The following PRKN variants were observed in gnomAD, a reference collection of about 807,000 sequenced individuals.
The protein encoded by PRKN is parkin RBR E3 ubiquitin protein ligase.
In PRKN, 56 loss-of-function variants were observed where a neutral mutation model predicts 59.5. The ratio of observed to expected loss-of-function variants is 0.94; its 90% CI spans 0.76 to 1.18. The LOEUF is 1.18. Among genes scored for constraint, PRKN ranks in the 50% most tolerant of loss-of-function variants. The pLI is 0.00. For synonymous variants in PRKN, 250 were observed against 222.1 expected (o/e 1.13, Z -1.12); for missense variants, 657 against 596.4 (o/e 1.10, Z -1.06).
chr6:161,916,585 G>A (rs1778566839), intron 6 of PRKN, among the ~76,000 whole-genome samples: 2 of 151,966 alleles, frequency 1.3e-5, no homozygotes, highest in African/African-American at 4.8e-5. Flanking sequence ...GGCTCTTTTG[G>A]CATTTCCTCT....
At position 161,467,687 on chromosome 6, in the gene PRKN, G is replaced by T. The variant is rs1790551225; in HGVS notation, c.1084-80810C>A. ...GGAGCGACAGAGGCTGCAAATGCCT[G>T]CCCAATATTCATGTTCCTCTTCTTC... On this transcript the variant is annotated intron_variant, in intron 9 of 11. Coordinates refer to ENST00000366898, the MANE Select transcript of PRKN (RefSeq NM_004562.3). This position sits in a 1 kb window ranked among gnomAD's most constrained non-coding sequence, Gnocchi z 4.3. 6.6e-6 allele frequency among the ~76,000 whole-genome samples: 1 copy of T among 152,178 alleles called. No individual in the cohort carries two copies. Among genetic ancestry groups the T allele is most frequent in the South Asian group, 2.1e-4 (1 of 4,822 alleles).
At chr6:161,404,285 T>C (rs7750489) in intron 9 of PRKN, among the ~76,000 whole-genome samples, 1 of 152,080 alleles carries the variant, frequency 6.6e-6, no homozygotes, top group African/African-American at 2.4e-5. Flanking sequence ...AAAGGTTTAT[T>C]CTAGGAAGAA....
rs546044388 is a variant in PRKN at position 161,852,570 on chromosome 6, T to A, written c.735-66662A>T. Among the ~76,000 whole-genome samples the A allele has an allele frequency of 9.2e-4, 140 of 152,196 alleles. 1 individual carries two copies. Among genetic ancestry groups the A allele is most frequent in the African/African-American group, 3.1e-3 (129 of 41,528 alleles). ...GGATTTCAAGGTAGAAGCTCAACACTCAATTCAAGGTAAACTTGATAAGAA... is the reference window on the plus strand; with the variant it reads ...GGATTTCAAGGTAGAAGCTCAACACACAATTCAAGGTAAACTTGATAAGAA... On this transcript the variant is annotated intron_variant, in intron 6 of 11. Coordinates refer to ENST00000366898, the MANE Select transcript of PRKN (RefSeq NM_004562.3).
Position 161,470,583 on chromosome 6 carries a change from C to T in PRKN, c.1083+78271G>A, listed in dbSNP as rs73589748. ...GCCCTCCTCTGGCCACACCCCTCTT[C>T]CTGGAGCAAAGAGTCTGTGGAGCTA... is the stretch of plus-strand genomic sequence containing the variant. On this transcript the variant is annotated intron_variant, in intron 9 of 11. Transcript: ENST00000366898. This position sits in a 1 kb window ranked among gnomAD's most constrained non-coding sequence, Gnocchi z 5.1. 0.022 allele frequency among the ~76,000 whole-genome samples: 3,282 copies of T among 152,276 alleles called. 111 individuals carry two copies. Among genetic ancestry groups the T allele is most frequent in the African/African-American group, 0.075 (3,108 of 41,534 alleles).
chr6:161,735,823 G>A (rs2982904), intron 7 of PRKN, among the ~76,000 whole-genome samples: 70,879 of 151,766 alleles, frequency 0.47, 16,928 homozygotes, highest in South Asian at 0.6. Context: ...GCTGAGGCAG[G>A]AGAATTGCTT....
rs115821399 is a variant in PRKN at position 162,167,548 on chromosome 6, G to A, written c.534+33583C>T. Among the ~76,000 whole-genome samples, 894 of 151,850 alleles carry A rather than the reference G, an allele frequency of 5.9e-3. 18 individuals carry two copies. Among genetic ancestry groups the A allele is most frequent in the African/African-American group, 0.021 (851 of 41,462 alleles). ...ATAGAGAAAAGTAATTAATTTCCAC[G>A]AAACAGTCAGTAACTTGGCTAAAGC... is the stretch of plus-strand genomic sequence containing the variant. On this transcript the variant is annotated intron_variant, in intron 4 of 11. Coordinates refer to ENST00000366898, the MANE Select transcript of PRKN (RefSeq NM_004562.3).
At chr6:162,320,356 A>G (rs1469500442) in intron 2 of PRKN, among the ~76,000 whole-genome samples, 4 of 132,998 alleles carry the variant, frequency 3.0e-5, no homozygotes, top group Admixed American at 8.0e-5. Flanking sequence ...TAGAAATACA[A>G]AAAGCCAAAA....
chr6:161,735,018 C>CAA (rs111861396), intron 7 of PRKN, among the ~76,000 whole-genome samples: 18 of 97,902 alleles, frequency 1.8e-4, no homozygotes, highest in African/African-American at 3.5e-4. Flanking sequence ...TATAAACAAG[C>CAA]AAAAAAAAAA....
intron 1 of PRKN, among the ~76,000 whole-genome samples, chr6:162,654,092 T>G (rs1207017881): frequency 6.6e-6 from 1 of 152,184 alleles, no homozygotes; most frequent in African/African-American, 2.4e-5. Context: ...AGAATGATCT[T>G]ACTAAATCTA....
In PRKN at chr6:161,417,981, T is replaced by TG. The variant is rs1787928890; in HGVS notation, c.1084-31105dup. On this transcript the variant is annotated intron_variant, in intron 9 of 11. Transcript: ENST00000366898. This position sits in a 1 kb window ranked among gnomAD's most constrained non-coding sequence, Gnocchi z 5.4. Reference sequence around the variant, plus strand: ...GGCTTCCCACGCTCCCTCCTGGGCCTGGCCCCCAGGCCTGGCTGACTCCAT... The same window carrying TG: ...GGCTTCCCACGCTCCCTCCTGGGCCTGGGCCCCCAGGCCTGGCTGACTCCAT... Among the ~76,000 whole-genome samples, 1 of 152,170 alleles carries TG rather than the reference T, an allele frequency of 6.6e-6. No homozygotes were observed. Among genetic ancestry groups the TG allele is most frequent in the African/African-American group, 2.4e-5 (1 of 41,440 alleles).
intron 1 of PRKN, among the ~76,000 whole-genome samples, chr6:162,671,003 T>C (rs1779297695): frequency 6.6e-6 from 1 of 152,146 alleles, no homozygotes; most frequent in African/African-American, 2.4e-5. Context: ...ATATACACTC[T>C]GGAATATATA....
At chr6:162,508,867 A>T (rs1436299346) in intron 1 of PRKN, among the ~76,000 whole-genome samples, 1 of 150,004 alleles carries the variant, frequency 6.7e-6, no homozygotes, top group African/African-American at 2.5e-5. Context: ...ACAAAAAACA[A>T]AAAACAAACA....
At chr6:162,280,338 G>A (rs1214813979) in intron 2 of PRKN, among the ~76,000 whole-genome samples, 1 of 152,104 alleles carries the variant, frequency 6.6e-6, no homozygotes, top group African/African-American at 2.4e-5. Flanking sequence ...AAACCAATGA[G>A]AACAGAGACA....
At chr6:161,968,664 CAT>C (rs1363389700) in intron 6 of PRKN, among the ~76,000 whole-genome samples, 1 of 151,882 alleles carries the variant, frequency 6.6e-6, no homozygotes, top group Non-Finnish European at 1.5e-5. Flanking sequence ...ATGATTAATA[CAT>C]ATATATACAC....
chr6:162,722,463 G>C (rs1778973178), intron 1 of PRKN, among the ~76,000 whole-genome samples: 1 of 152,108 alleles, frequency 6.6e-6, no homozygotes, highest in Middle Eastern at 3.2e-3. Context: ...AAAATTGAGG[G>C]AGAGAAACCA....
At chr6:161,542,266 T>C (rs1241559349) in intron 9 of PRKN, among the ~76,000 whole-genome samples, 1 of 152,242 alleles carries the variant, frequency 6.6e-6, no homozygotes, top group Non-Finnish European at 1.5e-5. Context: ...AGGCTTCCCG[T>C]CAACAGTGGA....
intron 9 of PRKN, among the ~76,000 whole-genome samples, chr6:161,434,460 A>C: frequency 6.6e-6 from 1 of 152,260 alleles, no homozygotes; most frequent in African/African-American, 2.4e-5. Flanking sequence ...GTCTTCATGA[A>C]GCCAGAGCCG....
chr6:161,371,008 G>A lies in PRKN; in HGVS notation c.1168-10803C>T, dbSNP rs1490038601. On this transcript the variant is annotated intron_variant, in intron 10 of 11. Transcript: ENST00000366898. The surrounding 1 kb of genome is among the most constrained non-coding windows in gnomAD (Gnocchi z 5.5). ...CGTGTGAGCAGCCCGCCTCCTGCTG[G>A]TGAGTAAGAAAATGGCATCACTTTT... Among the ~76,000 whole-genome samples the A allele has an allele frequency of 1.3e-5, 2 of 152,124 alleles. No individual in the cohort carries two copies. The highest frequency in any genetic ancestry group is 3.9e-4 in the East Asian group (2 of 5,182).
chr6:162,156,910 T>A (rs2128315287), intron 4 of PRKN, among the ~76,000 whole-genome samples: 1 of 152,242 alleles, frequency 6.6e-6, no homozygotes, highest in Non-Finnish European at 1.5e-5. Flanking sequence ...GCCTGATTTG[T>A]CTAAGCATCC....
Sources: allele counts gnomAD v4.1 joint callset (sites outside exome capture counted in the v4.1 genomes callset), GRCh38; gene constraint gnomAD v4.1.1; non-coding constraint Gnocchi (gnomAD v3.1); transcripts MANE v1.5; gene names NCBI Gene and HGNC (gene_info 2026-07-23, HGNC 2026-07-21).